PDZD2: variants seen among roughly 807,000 people sequenced by gnomAD.
The protein encoded by PDZD2 is PDZ domain containing 2, also known as PDZ domain-containing protein 2.
A neutral mutation model predicts 220.7 loss-of-function variants in PDZD2; 90 were observed. The ratio of observed to expected loss-of-function variants is 0.41; its 90% CI spans 0.34 to 0.49. The LOEUF is 0.49. PDZD2 is among the 20% of genes least tolerant of loss of function. The probability of loss-of-function intolerance (pLI) is 0.28; values close to 1 mark genes in which losing one functional copy is unlikely to be tolerated. For synonymous variants in PDZD2, 1,375 were observed against 1,450.5 expected, an observed-to-expected ratio of 0.95 and a Z score of 1.18; for missense variants, 3,174 against 3,608.5, an observed-to-expected ratio of 0.88 and a Z score of 3.08.
intron 2 of PDZD2, chr5:31,822,949 T>G: frequency 9.5e-7 from 1 of 1,054,658 alleles, no homozygotes; most frequent in South Asian, 1.2e-5. Context: ...CTCCTTTCTG[T>G]TACCCCACCA....
chr5:31,893,615 A>G (rs1250538645), intron 2 of PDZD2, among the ~76,000 whole-genome samples: 1 of 152,158 alleles, frequency 6.6e-6, no homozygotes, highest in African/African-American at 2.4e-5. Flanking sequence ...ATGAATTTCC[A>G]TGAGTATAAA....
chr5:32,072,130 C>G, intron 16 of PDZD2, 31 bp from the exon 17 acceptor site: 3 of 1,541,196 alleles, frequency 1.9e-6, no homozygotes, highest in Non-Finnish European at 8.9e-7. Context: ...GCTGTGTTTT[C>G]TTAGTTATCG....
chr5:31,970,670 A>T (rs1344332759), intron 2 of PDZD2, among the ~76,000 whole-genome samples: 4 of 149,116 alleles, frequency 2.7e-5, no homozygotes, highest in East Asian at 2.0e-4. Context: ...ATAAATAATT[A>T]AAAAAAAAAG....
At chr5:31,822,524 C>T in intron 2 of PDZD2, 1 of 613,830 alleles carries the variant, frequency 1.6e-6, no homozygotes, top group Non-Finnish European at 2.9e-6. Context: ...AAGCATCCGG[C>T]ATCTTGTTTC....
At position 31,692,132 on chromosome 5, in the gene PDZD2, G is replaced by A. The variant is rs187719054; in HGVS notation, c.-361+52695G>A. Among the ~76,000 whole-genome samples the A allele has an allele frequency of 4.8e-3, 724 of 151,364 alleles. 6 individuals are homozygous for A. Among genetic ancestry groups the A allele is most frequent in the African/African-American group, 0.017 (692 of 40,962 alleles). ...AGTGGAGGGGAGGCTCAGGCATGGCGGGCTGCAGGTCCCGAGCCCTGCTCG... is the reference window on the plus strand; with the variant it reads ...AGTGGAGGGGAGGCTCAGGCATGGCAGGCTGCAGGTCCCGAGCCCTGCTCG... On this transcript the variant is annotated intron_variant, in intron 1 of 24. Coordinates refer to ENST00000438447, the MANE Select transcript of PDZD2 (RefSeq NM_178140.4).
chr5:32,096,667 A>G (rs1189775286), intron 21 of PDZD2, among the ~76,000 whole-genome samples: 1 of 151,944 alleles, frequency 6.6e-6, no homozygotes, highest in Non-Finnish European at 1.5e-5. Flanking sequence ...AAATCCAATG[A>G]TGGGGAGGGA....
chr5:31,996,920 C>T (rs1193995800), intron 4 of PDZD2, among the ~76,000 whole-genome samples: 1 of 152,084 alleles, frequency 6.6e-6, no homozygotes, highest in Admixed American at 6.6e-5. Flanking sequence ...TTAATCTGAA[C>T]AATGATCTGG....
At chr5:32,053,938 C>A in intron 10 of PDZD2, 55 bp downstream of exon 10, 1 of 1,013,690 alleles carries the variant, frequency 9.9e-7, no homozygotes, top group Non-Finnish European at 1.6e-6. Context: ...CCATGAGAAT[C>A]TGCCTCTTCA....
intron 1 of PDZD2, among the ~76,000 whole-genome samples, chr5:31,747,171 T>C (rs1418938150): frequency 1.3e-5 from 2 of 152,186 alleles, no homozygotes; most frequent in Admixed American, 6.5e-5. Context: ...CAAGACTCCA[T>C]CTCAAAATAA....
At chr5:31,832,844 T>C (rs920546631) in intron 2 of PDZD2, among the ~76,000 whole-genome samples, 5 of 152,098 alleles carry the variant, frequency 3.3e-5, no homozygotes, top group African/African-American at 4.8e-5. Context: ...CAATTTTATT[T>C]TATGTATATT....
intron 1 of PDZD2, among the ~76,000 whole-genome samples, chr5:31,686,404 G>A (rs1257950831): frequency 2.7e-5 from 4 of 150,520 alleles, no homozygotes; most frequent in Admixed American, 2.0e-4. Flanking sequence ...TCACTCTGTT[G>A]CCCAGGCTGG....
chr5:32,043,064 G>A (rs1737576881), intron 7 of PDZD2, among the ~76,000 whole-genome samples: 1 of 152,136 alleles, frequency 6.6e-6, no homozygotes, highest in African/African-American at 2.4e-5. Flanking sequence ...TGGCTTCTGG[G>A]GAATCTTGAA....
At chr5:31,887,711 G>T (rs566471470) in intron 2 of PDZD2, among the ~76,000 whole-genome samples, 166 of 152,132 alleles carry the variant, frequency 1.1e-3, no homozygotes, top group Non-Finnish European at 1.8e-3. Context: ...CTGCCAGTTA[G>T]GGGGACAGTG....
intron 1 of PDZD2, among the ~76,000 whole-genome samples, chr5:31,698,844 A>G (rs1747491151): frequency 6.6e-6 from 1 of 152,206 alleles, no homozygotes; most frequent in South Asian, 2.1e-4. Context: ...GCCTGAGGTC[A>G]TCTGCCTTCA....
chr5:31,678,087 G>A (rs1320040781), intron 1 of PDZD2, among the ~76,000 whole-genome samples: 1 of 152,210 alleles, frequency 6.6e-6, no homozygotes, highest in African/African-American at 2.4e-5. Flanking sequence ...TTATACATCA[G>A]TAAAGGTCTT....
chr5:31,803,453 G>A (rs529186562), intron 2 of PDZD2, among the ~76,000 whole-genome samples: 119 of 151,860 alleles, frequency 7.8e-4, no homozygotes, highest in African/African-American at 2.8e-3. Flanking sequence ...GAGGAGGCAG[G>A]GTAGGTGGCT....
chr5:31,825,414 C>T (rs1756150728), intron 2 of PDZD2, among the ~76,000 whole-genome samples: 2 of 152,174 alleles, frequency 1.3e-5, no homozygotes, highest in Admixed American at 1.3e-4. Context: ...TGGCAGTTTC[C>T]AGCACCAGTT....
chr5:31,703,465 G>C (rs140738661), intron 1 of PDZD2, among the ~76,000 whole-genome samples: 1 of 152,052 alleles, frequency 6.6e-6, no homozygotes, highest in Admixed American at 6.6e-5. Flanking sequence ...ATCACACACC[G>C]GGACCTGTCG....
chr5:31,735,540 T>C (rs1749807630), intron 1 of PDZD2, among the ~76,000 whole-genome samples: 1 of 152,198 alleles, frequency 6.6e-6, no homozygotes, highest in Non-Finnish European at 1.5e-5. Context: ...GGCTCATGCC[T>C]GTAATCCCAG....
Sources: gnomAD v4.1 joint callset for allele counts (sites outside exome capture counted in the v4.1 genomes callset) on GRCh38, gnomAD v4.1.1 for gene constraint, MANE v1.5 for transcripts, NCBI Gene and HGNC (gene_info 2026-07-23, HGNC 2026-07-21) for gene names.